Variants in MGAM2 observed in about 807,000 individuals in gnomAD.
The protein encoded by MGAM2 is maltase-glucoamylase 2 (putative).
MGAM2 carries 98 observed loss-of-function variants against 96.1 expected under a neutral mutation model. That is an observed-to-expected ratio of 1.02 (90% CI 0.87 to 1.21). The LOEUF (loss-of-function observed/expected upper bound fraction) is 1.21, where lower values mean the gene tolerates loss of function less well. Ranked by LOEUF, MGAM2 falls within the 50% of genes most tolerant of loss-of-function variation. The pLI, the probability that MGAM2 is intolerant of heterozygous loss-of-function variation, is 0.00. For synonymous variants in MGAM2, 749 were observed against 414.8 expected (o/e 1.81, Z -9.79); for missense variants, 2,055 against 1,182.4 (o/e 1.74, Z -10.82).
chr7:142,117,600 G>A (rs922119211), intron 2 of MGAM2, among the ~76,000 whole-genome samples: 2 of 152,138 alleles, frequency 1.3e-5, no homozygotes, highest in Admixed American at 6.5e-5. Flanking sequence ...CTTTACAGAT[G>A]TGAATTGAAC....
rs539710765 is a variant in MGAM2 at position 142,196,720 on chromosome 7, G to A, written c.4536G>A (p.Gly1512=). 3.8e-6 allele frequency: 3 copies of A among 789,588 alleles called. No homozygotes were observed. The highest frequency in any genetic ancestry group is 4.8e-5 in the East Asian group (2 of 41,286). 48.9% of individuals were successfully genotyped at this position (789,588 alleles called of 1,614,324 possible). A position where few individuals can be genotyped will look rare whatever the true frequency, so the allele number is the denominator to read the frequency against. Reference sequence around the variant, plus strand: ...CTCAGACAGGAGCAGATATCTGTGGGTTCTTTGGAGATGCTGAATATGAGA... The same window carrying A: ...CTCAGACAGGAGCAGATATCTGTGGATTCTTTGGAGATGCTGAATATGAGA... ...GIPYTGADIC[G]FFGDAEYEMC... Residue 1512 remains glycine, a synonymous_variant, in exon 40 of 48, where the codon GGG becomes GGA. Transcript: ENST00000477922.
intron 12 of MGAM2, among the ~76,000 whole-genome samples, chr7:142,142,112 T>A (rs1475628536): frequency 6.6e-6 from 1 of 152,192 alleles, no homozygotes; most frequent in Non-Finnish European, 1.5e-5. Context: ...TACCAAAATC[T>A]GCCCACTTAA....
chr7:142,216,667 A>G (rs1245968687), intron 46 of MGAM2, among the ~76,000 whole-genome samples: 2 of 152,144 alleles, frequency 1.3e-5, no homozygotes, highest in Non-Finnish European at 2.9e-5. Flanking sequence ...AAATTTAAAA[A>G]TCAACTCTCT....
chr7:142,167,771 C>T (rs866835734), intron 26 of MGAM2, among the ~76,000 whole-genome samples: 1 of 152,050 alleles, frequency 6.6e-6, no homozygotes, highest in African/African-American at 2.4e-5. Context: ...CGGGGTTTTG[C>T]CTTGTTTCCC....
chr7:142,157,087 G>C (rs966440564), intron 17 of MGAM2, among the ~76,000 whole-genome samples: 3 of 152,070 alleles, frequency 2.0e-5, no homozygotes, highest in African/African-American at 7.2e-5. Flanking sequence ...AAATGTTGAT[G>C]GTGGAAACAT....
intron 12 of MGAM2, among the ~76,000 whole-genome samples, chr7:142,143,346 A>G (rs1435304412): frequency 6.6e-6 from 1 of 152,078 alleles, no homozygotes; most frequent in Admixed American, 6.5e-5. Flanking sequence ...TATTGCTTAT[A>G]TGCCAAAAAT....
rs999971092 is a variant in MGAM2, at chr7:142,221,922, G to A, written c.7411G>A (p.Ala2471Thr). 7 of 399,334 alleles carry A rather than the reference G, an allele frequency of 1.8e-5. No homozygotes were observed. The South Asian group carries it at 7.6e-4, about 43-fold the overall frequency. 24.7% of individuals were successfully genotyped at this position (399,334 alleles called of 1,614,324 possible). A position where few individuals can be genotyped will look rare whatever the true frequency, so the allele number is the denominator to read the frequency against. ...TGTGGCTACTTATTTACCTATTACT[G>A]CAACTAGTGCTACCACAGATACTAC... ...NSVATYLPITATSATTDTTNI... is the reference protein window; with the variant it reads ...NSVATYLPITTTSATTDTTNI... Residue 2471 changes from alanine to threonine, a missense_variant, in exon 48 of 48, where the codon GCA (alanine) becomes ACA (threonine). Coordinates refer to ENST00000477922, the MANE Select transcript of MGAM2 (RefSeq NM_001293626.2).
At chr7:142,171,090 C>A (rs1796169222) in intron 27 of MGAM2, 182 bp from the exon 28 acceptor site, 2 of 639,326 alleles carry the variant, frequency 3.1e-6, no homozygotes, top group Non-Finnish European at 5.7e-6. Context: ...AGAAATCTAA[C>A]ATGGAACTTT....
At chr7:142,218,906 G>A (rs550790177) in intron 47 of MGAM2, among the ~76,000 whole-genome samples, 1 of 151,966 alleles carries the variant, frequency 6.6e-6, no homozygotes, top group East Asian at 1.9e-4. Flanking sequence ...GCTGTTGAAG[G>A]TTGCCCCCAT....
intron 45 of MGAM2, among the ~76,000 whole-genome samples, chr7:142,207,907 A>G (rs1797458530): frequency 6.6e-6 from 1 of 152,198 alleles, no homozygotes; most frequent in South Asian, 2.1e-4. Context: ...CAGAGGCAGA[A>G]GTGCTTGGAA....
rs757455323 is a variant in MGAM2, at chr7:142,220,982, T to A, written c.6471T>A (p.Asn2157Lys). The A allele has an allele frequency of 2.8e-6, 2 of 702,114 alleles. No homozygotes were observed. Among genetic ancestry groups the A allele is most frequent in the East Asian group, 5.4e-5 (2 of 37,264 alleles). The allele number at this position is 702,114 out of a possible 1,614,324, so 43.5% of individuals were successfully genotyped here. A position where few individuals can be genotyped will look rare whatever the true frequency, so the allele number is the denominator to read the frequency against. ...CTACTAATGCTAGCACTAGTACTAATGTTGCTAATATAACTGCTACCTCTC... is the reference window on the plus strand; with the variant it reads ...CTACTAATGCTAGCACTAGTACTAAAGTTGCTAATATAACTGCTACCTCTC... ...TNTTNASTST[N>K]VANITATSHT... is the part of the protein sequence containing the mutation. Residue 2157 changes from asparagine (N) to lysine (K), a missense_variant, in exon 48 of 48, where the codon AAT becomes AAA. Transcript: ENST00000477922.
intron 24 of MGAM2, among the ~76,000 whole-genome samples, 199 bp from the exon 25 acceptor site, chr7:142,165,899 C>T (rs1796014358): frequency 6.6e-6 from 1 of 152,194 alleles, no homozygotes; most frequent in Non-Finnish European, 1.5e-5. Flanking sequence ...GATGAAAACT[C>T]TTCCCATCCA....
chr7:142,126,293 C>T (rs1794731841), intron 3 of MGAM2, among the ~76,000 whole-genome samples: 1 of 151,880 alleles, frequency 6.6e-6, no homozygotes, highest in African/African-American at 2.4e-5. Flanking sequence ...ATATTTCGCA[C>T]ATCTATGTTT....
chr7:142,152,707 C>A (rs747912667), intron 15 of MGAM2, among the ~76,000 whole-genome samples: 14 of 152,108 alleles, frequency 9.2e-5, no homozygotes, highest in Non-Finnish European at 1.9e-4. Flanking sequence ...AGCTTGCCTG[C>A]GAAGAGCTGG....
chr7:142,190,310 C>T (rs896838352), intron 37 of MGAM2, among the ~76,000 whole-genome samples: 5 of 134,172 alleles, frequency 3.7e-5, no homozygotes, highest in Admixed American at 8.5e-5. Context: ...CTGGCTCTGT[C>T]GCCCAGGCTG....
chr7:142,163,643 A>G (rs768958534), intron 23 of MGAM2, among the ~76,000 whole-genome samples: 1 of 152,150 alleles, frequency 6.6e-6, no homozygotes, highest in African/African-American at 2.4e-5. Context: ...ATGGTAATGC[A>G]TGTTTAGTTT....
At chr7:142,154,889 A>T in intron 17 of MGAM2, 44 bp downstream of exon 17, 1 of 701,422 alleles carries the variant, frequency 1.4e-6, no homozygotes, top group East Asian at 2.7e-5. Context: ...TGGATTAGCT[A>T]ATCTACTGGC....
At position 142,221,623 on chromosome 7, in the gene MGAM2, A is replaced by G. The variant is rs1399425133; in HGVS notation, c.7112A>G (p.Asp2371Gly). 4.2e-6 allele frequency: 2 copies of G among 474,630 alleles called. No homozygotes were observed. Among genetic ancestry groups the G allele is most frequent in the Non-Finnish European group, 7.4e-6 (2 of 272,018 alleles). 29.4% of individuals were successfully genotyped at this position (474,630 alleles called of 1,614,324 possible). Residue 2371 changes from aspartate to glycine, a missense_variant, in exon 48 of 48, where the codon GAT (aspartate) becomes GGT (glycine). Transcript: ENST00000477922. ...ACCAAAGATAATACCATGAGTCCAGATACAACAGTTACTTCCATAGACAAA... is the reference window on the plus strand; with the variant it reads ...ACCAAAGATAATACCATGAGTCCAGGTACAACAGTTACTTCCATAGACAAA... Reference protein sequence around the residue: ...TSTKDNTMSPDTTVTSIDKFT... With the variant: ...TSTKDNTMSPGTTVTSIDKFT...
chr7:142,204,360 G>A (rs1487848804), intron 45 of MGAM2, among the ~76,000 whole-genome samples: 7 of 151,742 alleles, frequency 4.6e-5, no homozygotes, highest in Non-Finnish European at 1.5e-5. Flanking sequence ...CTATTTATGG[G>A]TGAAAACTTG....
Sources: allele counts gnomAD v4.1 joint callset (sites outside exome capture counted in the v4.1 genomes callset), GRCh38; gene constraint gnomAD v4.1.1; transcripts MANE v1.5; gene names NCBI Gene and HGNC (gene_info 2026-07-23, HGNC 2026-07-21).